Variants in GLIS3 observed in about 807,000 individuals in gnomAD.
GLIS3 encodes GLIS family zinc finger 3.
A neutral mutation model predicts 78.6 loss-of-function variants in GLIS3; 53 were observed. That is an observed-to-expected ratio of 0.67 (90% CI 0.54 to 0.85). The LOEUF (loss-of-function observed/expected upper bound fraction) is 0.85. GLIS3 is among the 40% of genes least tolerant of loss of function. The pLI is 0.00. For synonymous variants in GLIS3, 684 were observed against 509.9 expected (o/e 1.34, Z -4.60); for missense variants, 1,703 against 1,231.1 (o/e 1.38, Z -5.74).
intron 6 of GLIS3, among the ~76,000 whole-genome samples, chr9:3,927,256 C>T (rs620638): frequency 0.82 from 125,145 of 152,160 alleles, 52,132 homozygotes; most frequent in Middle Eastern, 0.9. Context: ...TTCCTTGAGA[C>T]TGTACTTTGC....
the GLIS3 span, among the ~76,000 whole-genome samples, chr9:4,411,301 T>C: frequency 6.6e-6 from 1 of 152,196 alleles, no homozygotes; most frequent in Non-Finnish European, 1.5e-5. Flanking sequence ...ATTTAGATCT[T>C]AGGTCTATCT....
At chr9:4,231,300 T>C (rs1231749396) in intron 2 of GLIS3, among the ~76,000 whole-genome samples, 1 of 152,172 alleles carries the variant, frequency 6.6e-6, no homozygotes, top group Non-Finnish European at 1.5e-5. Flanking sequence ...AACAGTAAAT[T>C]TGAAGATAAT....
At chr9:4,092,614 T>A (rs2130761145) in intron 4 of GLIS3, among the ~76,000 whole-genome samples, 1 of 152,264 alleles carries the variant, frequency 6.6e-6, no homozygotes, top group East Asian at 1.9e-4. Context: ...AGGGTCATGA[T>A]CATCAATATC....
At chr9:4,276,046 G>T (rs1464842749) in intron 2 of GLIS3, among the ~76,000 whole-genome samples, 1 of 151,902 alleles carries the variant, frequency 6.6e-6, no homozygotes, top group African/African-American at 2.4e-5. Context: ...ACTTTGGAAG[G>T]CCGAGGCAGA....
chr9:4,121,467 A>G (rs10974338), intron 3 of GLIS3, among the ~76,000 whole-genome samples: 33,852 of 152,196 alleles, frequency 0.22, 4,984 homozygotes, highest in East Asian at 0.61. Context: ...AGTAATCAAT[A>G]TAGTGACAAC....
At chr9:4,146,981 C>G (rs193055423) in intron 2 of GLIS3, among the ~76,000 whole-genome samples, 2 of 152,172 alleles carry the variant, frequency 1.3e-5, no homozygotes, top group East Asian at 3.8e-4. Flanking sequence ...GTCAAATGCA[C>G]TAGATCTTAT....
At chr9:4,100,018 T>C (rs1018794171) in intron 4 of GLIS3, among the ~76,000 whole-genome samples, 2 of 152,254 alleles carry the variant, frequency 1.3e-5, no homozygotes, top group Admixed American at 1.3e-4. Context: ...CCACTCATTC[T>C]GCCTCCCATA....
intron 7 of GLIS3, among the ~76,000 whole-genome samples, chr9:3,888,396 A>T (rs566992085): frequency 6.6e-6 from 1 of 152,228 alleles, no homozygotes; most frequent in East Asian, 1.9e-4. Context: ...TTCTAAAATC[A>T]CTTCACAGTG....
chr9:4,075,647 A>G (rs1447557029), intron 4 of GLIS3, among the ~76,000 whole-genome samples: 1 of 151,916 alleles, frequency 6.6e-6, no homozygotes, highest in Non-Finnish European at 1.5e-5. Context: ...AGGTGCTAAA[A>G]AGAGTTTTTA....
At chr9:4,152,687 A>G (rs1350508695) in intron 2 of GLIS3, among the ~76,000 whole-genome samples, 2 of 152,216 alleles carry the variant, frequency 1.3e-5, no homozygotes, top group African/African-American at 4.8e-5. Context: ...ATCCACTAAA[A>G]ATTGTTATAA....
chr9:3,929,223 G>C (rs1024927958), intron 6 of GLIS3, among the ~76,000 whole-genome samples: 4 of 152,204 alleles, frequency 2.6e-5, no homozygotes, highest in African/African-American at 9.7e-5. Context: ...CACATTCCAT[G>C]AAAGAAGTCT....
intron 2 of GLIS3, among the ~76,000 whole-genome samples, chr9:4,281,165 G>A (rs942237698): frequency 7.2e-5 from 11 of 152,294 alleles, no homozygotes; most frequent in African/African-American, 2.6e-4. Context: ...CTAATGGGAT[G>A]TGTGTTAAAT....
chr9:4,289,923 C>G (rs985892082), intron 1 of GLIS3, among the ~76,000 whole-genome samples: 2 of 152,070 alleles, frequency 1.3e-5, no homozygotes, highest in East Asian at 3.9e-4. Context: ...GGCACAAAAC[C>G]ATTTAGTAAT....
At chr9:4,450,306 T>C in the GLIS3 span, among the ~76,000 whole-genome samples, 1 of 150,980 alleles carries the variant, frequency 6.6e-6, no homozygotes, top group Non-Finnish European at 1.5e-5. Context: ...GAAAAAAGAG[T>C]AAAAAGAAAT....
chr9:4,424,969 G>A, the GLIS3 span, among the ~76,000 whole-genome samples: 13 of 152,194 alleles, frequency 8.5e-5, no homozygotes, highest in South Asian at 2.7e-3. Context: ...GAAACTTGAG[G>A]CTTCTGGGGA....
intron 4 of GLIS3, among the ~76,000 whole-genome samples, chr9:4,049,518 G>A (rs1279345017): frequency 2.0e-5 from 3 of 152,128 alleles, no homozygotes; most frequent in Non-Finnish European, 4.4e-5. Flanking sequence ...CAGGAGTGTC[G>A]TGTACTGAGC....
chr9:3,843,069 G>C (rs1440470778), intron 9 of GLIS3, among the ~76,000 whole-genome samples: 1 of 152,166 alleles, frequency 6.6e-6, no homozygotes, highest in South Asian at 2.1e-4. Context: ...TCTTGGTCAA[G>C]GTGAAATCAT....
chr9:4,488,645 G>A, the GLIS3 span, among the ~76,000 whole-genome samples: 3 of 151,640 alleles, frequency 2.0e-5, no homozygotes, highest in East Asian at 3.9e-4. Flanking sequence ...TCAGCCTCCC[G>A]AATAGCTGGG....
At chr9:4,236,441 T>C (rs939531532) in intron 2 of GLIS3, among the ~76,000 whole-genome samples, 1 of 152,212 alleles carries the variant, frequency 6.6e-6, no homozygotes, top group Admixed American at 6.5e-5. Context: ...TTCCTCCCTT[T>C]TCCACATGGG....
Sources: gnomAD v4.1 joint callset for allele counts (sites outside exome capture counted in the v4.1 genomes callset) on GRCh38, gnomAD v4.1.1 for gene constraint, MANE v1.5 for transcripts, NCBI Gene and HGNC (gene_info 2026-07-23, HGNC 2026-07-21) for gene names.